Variants in DNAAF9 observed in about 807,000 individuals in gnomAD.
DNAAF9 encodes shulin.
A neutral mutation model predicts 167.0 loss-of-function variants in DNAAF9; 90 were observed. That is an observed-to-expected ratio of 0.54 (90% confidence interval 0.45 to 0.64). DNAAF9 has a LOEUF of 0.64. Among genes scored for constraint, DNAAF9 ranks in the 30% least tolerant of loss-of-function variants. The pLI is 0.00. For missense variants in DNAAF9, 1,315 were observed against 1,442.2 expected (o/e 0.91, Z 1.43); for synonymous variants, 491 against 508.8 (o/e 0.96, Z 0.47).
chr20:3,336,882 C>CTTTTTTT (rs34461289), intron 10 of DNAAF9, among the ~76,000 whole-genome samples: 1 of 133,926 alleles, frequency 7.5e-6, no homozygotes, highest in Non-Finnish European at 1.6e-5. Context: ...TTTCCTTTTT[C>CTTTTTTT]TTTTTTTTTT....
At chr20:3,381,234 G>A (rs931611649) in intron 3 of DNAAF9, 145 bp downstream of exon 3, 61 of 608,232 alleles carry the variant, frequency 1.0e-4, no homozygotes, top group Non-Finnish European at 1.3e-4. Flanking sequence ...AAAAAATGCC[G>A]TTTTTTTCAT....
rs1179968408 is a variant in DNAAF9, at chr20:3,364,095, C to T, written c.613-4502G>A. The stretch of plus-strand genomic sequence containing the variant: ...GAGACTACAGGCACATGGCACTGCG[C>T]CCAGCTTTGGGTCCTTTTTTTGTAT... On this transcript the variant is annotated intron_variant, in intron 6 of 36. Coordinates refer to ENST00000252032, the MANE Select transcript of DNAAF9 (RefSeq NM_001009984.3). Among the ~76,000 whole-genome samples the T allele has an allele frequency of 2.0e-5, 3 of 152,268 alleles. No homozygotes were observed. In the East Asian group the frequency reaches 5.8e-4, roughly 29 times the overall value.
At chr20:3,341,381 T>A (rs1393579796) in intron 9 of DNAAF9, among the ~76,000 whole-genome samples, 1 of 152,040 alleles carries the variant, frequency 6.6e-6, no homozygotes, top group Admixed American at 6.5e-5. Context: ...AAGACTGCAC[T>A]CCCCTCAGTC....
At position 3,394,949 on chromosome 20, in the gene DNAAF9, CTTTTTTTTTTT is replaced by C. The variant is rs10522445; in HGVS notation, c.84-12454_84-12444del. ...GCTTTTACTGAACATTTTCTTTTTT[CTTTTTTTTTTT>C]TTTTTTTTTTTTTTTTTTTTTTTTT... is the stretch of plus-strand genomic sequence containing the variant. On this transcript the variant is annotated intron_variant, in intron 1 of 36. Transcript: ENST00000252032. Among the ~76,000 whole-genome samples the C allele has an allele frequency of 2.2e-4, 22 of 102,122 alleles. No individual in the cohort carries two copies. The East Asian group carries it at 2.8e-3, about 13-fold the overall frequency. 67.0% of individuals were successfully genotyped at this position (102,122 alleles called of 152,430 possible).
intron 25 of DNAAF9, 47 bp downstream of exon 25, chr20:3,294,092 A>G: frequency 9.3e-7 from 1 of 1,074,338 alleles, no homozygotes. Context: ...CAGGCTCTCA[A>G]GATCATCTTC....
intron 30 of DNAAF9, among the ~76,000 whole-genome samples, chr20:3,269,477 C>A (rs1280473105): frequency 1.3e-5 from 2 of 152,074 alleles, no homozygotes; most frequent in Non-Finnish European, 2.9e-5. Flanking sequence ...GCTGGGATTA[C>A]AGGTTGAGCC....
At position 3,381,403 on chromosome 20, in the gene DNAAF9, C is replaced by T. The variant is rs1312088456; in HGVS notation, c.259G>A (p.Gly87Arg). ...CCATCTAGTACTTCTTCAGAAAATCCCGTTTTCTCAAAATCACTGGTATTC... is the reference window on the plus strand; with the variant it reads ...CCATCTAGTACTTCTTCAGAAAATCTCGTTTTCTCAAAATCACTGGTATTC... Reference protein sequence around the residue: ...NQNTSDFEKTGFSEEVLDDVI... With the variant: ...NQNTSDFEKTRFSEEVLDDVI... Residue 87 changes from glycine (G) to arginine (R), a missense_variant, in exon 3 of 37, where the codon GGA becomes AGA. Gly to Arg is a moderately radical substitution (Grantham distance 125). Around this residue, in one of 2 missense-constraint regions of DNAAF9, gnomAD observed 981 missense variants for 1,012.5 expected, o/e 0.97. Coordinates refer to ENST00000252032, the MANE Select transcript of DNAAF9 (RefSeq NM_001009984.3). 2.5e-6 allele frequency: 4 copies of T among 1,611,102 alleles called. No homozygotes were observed. The highest frequency in any genetic ancestry group is 1.7e-5 in the Admixed American group (1 of 59,964).
chr20:3,297,695 G>T (rs936452004), intron 22 of DNAAF9, among the ~76,000 whole-genome samples: 1 of 152,196 alleles, frequency 6.6e-6, no homozygotes, highest in East Asian at 1.9e-4. Flanking sequence ...AGACTATAGG[G>T]TGGCAAAGAG....
chr20:3,300,691 AATAATAATAATAAT>A (rs1406330538), intron 21 of DNAAF9, among the ~76,000 whole-genome samples: 1 of 134,162 alleles, frequency 7.5e-6, no homozygotes, highest in African/African-American at 3.2e-5. Context: ...TAATAATAAT[AATAATAATAATAAT>A]AATAATAATA....
At chr20:3,327,506 A>G (rs2069732993) in intron 12 of DNAAF9, among the ~76,000 whole-genome samples, 1 of 152,098 alleles carries the variant, frequency 6.6e-6, no homozygotes, top group Non-Finnish European at 1.5e-5. Flanking sequence ...AGGCCAGGAG[A>G]GGCATCTGGC....
At chr20:3,377,731 T>A (rs1036011027) in intron 3 of DNAAF9, among the ~76,000 whole-genome samples, 1 of 152,084 alleles carries the variant, frequency 6.6e-6, no homozygotes, top group South Asian at 2.1e-4. Flanking sequence ...GTGCTAGGAT[T>A]ATAGGTGTGA....
chr20:3,340,454 C>CCCCCCCCT, intron 10 of DNAAF9, 50 bp downstream of exon 10: 2 of 1,053,078 alleles, frequency 1.9e-6, no homozygotes, highest in South Asian at 2.3e-5. Context: ...ACCCCACCCC[C>CCCCCCCCT]ACAACTTGAT....
chr20:3,292,710 G>A (rs1490609604), intron 25 of DNAAF9, among the ~76,000 whole-genome samples: 1 of 151,338 alleles, frequency 6.6e-6, no homozygotes, highest in Non-Finnish European at 1.5e-5. Context: ...AGGTTGCAGT[G>A]AGCCGAGATC....
intron 12 of DNAAF9, among the ~76,000 whole-genome samples, 156 bp downstream of exon 12, chr20:3,330,490 C>T (rs542366560): frequency 6.6e-6 from 1 of 152,246 alleles, no homozygotes; most frequent in South Asian, 2.1e-4. Context: ...GATCCTCCCA[C>T]CTCAGCTTCC....
chr20:3,373,903 C>T (rs1284315753), intron 6 of DNAAF9, 145 bp downstream of exon 6: 6 of 589,978 alleles, frequency 1.0e-5, no homozygotes, highest in Middle Eastern at 2.8e-4. Flanking sequence ...CAACTATTTT[C>T]CATTTCAAGT....
intron 16 of DNAAF9, among the ~76,000 whole-genome samples, chr20:3,319,572 A>G (rs1427304168): frequency 6.6e-6 from 1 of 152,174 alleles, no homozygotes; most frequent in Admixed American, 6.5e-5. Flanking sequence ...CCTGAATAGT[A>G]GTGAGCGGTG....
In DNAAF9 at chr20:3,338,522, T is replaced by C. The variant is rs182281516; in HGVS notation, c.981+1982A>G. 1.8e-3 allele frequency among the ~76,000 whole-genome samples: 278 copies of C among 152,322 alleles called. 3 individuals carry two copies. Among genetic ancestry groups the C allele is most frequent in the African/African-American group, 6.3e-3 (263 of 41,576 alleles). ...GGTCTGTGGTTTTGTGTCTTTGTCA[T>C]GAATTTTGGAAAATTCTTGGCCATG... On this transcript the variant is annotated intron_variant, in intron 10 of 36. Transcript: ENST00000252032.
chr20:3,257,047 C>G (rs541540672), intron 33 of DNAAF9, among the ~76,000 whole-genome samples: 2 of 151,604 alleles, frequency 1.3e-5, no homozygotes, highest in South Asian at 4.2e-4. Context: ...CAGTGTTGCA[C>G]GAAGGTCACA....
At chr20:3,259,045 G>A (rs2068332066) in intron 33 of DNAAF9, among the ~76,000 whole-genome samples, 1 of 152,138 alleles carries the variant, frequency 6.6e-6, no homozygotes, top group South Asian at 2.1e-4. Flanking sequence ...TGATCCTCAG[G>A]CCTACTAGTC....
Sources: allele counts gnomAD v4.1 joint callset (sites outside exome capture counted in the v4.1 genomes callset), GRCh38; gene constraint gnomAD v4.1.1; regional missense constraint gnomAD v4.1.1; transcripts MANE v1.5; gene names NCBI Gene and HGNC (gene_info 2026-07-23, HGNC 2026-07-21).